FBN1: variants seen among roughly 807,000 people sequenced by gnomAD.
FBN1 encodes fibrillin 1.
A neutral mutation model predicts 365.1 loss-of-function variants in FBN1; 29 were observed. That is an observed-to-expected ratio of 0.08 (90% CI 0.06 to 0.11). The LOEUF is 0.11. Among genes scored for constraint, FBN1 ranks in the 10% least tolerant of loss-of-function variants. The probability of loss-of-function intolerance (pLI) is 1.00; values close to 1 mark genes in which losing one functional copy is unlikely to be tolerated. For missense variants in FBN1, 2,476 were observed against 3,703.2 expected, an observed-to-expected ratio of 0.67 and a Z score of 8.60; for synonymous variants, 1,210 against 1,270.5, an observed-to-expected ratio of 0.95 and a Z score of 1.01.
At chr15:48,495,972 C>A in intron 20 of FBN1, 128 bp downstream of exon 20, 2 of 1,223,042 alleles carry the variant, frequency 1.6e-6, no homozygotes, top group Non-Finnish European at 2.4e-6. Flanking sequence ...CCATGTAGAA[C>A]CACAGAATTT....
chr15:48,633,161 A>C (rs1890019910), intron 2 of FBN1, among the ~76,000 whole-genome samples: 1 of 152,206 alleles, frequency 6.6e-6, no homozygotes, highest in Non-Finnish European at 1.5e-5. Flanking sequence ...CATTCTGAAA[A>C]TGAAGCATTG....
chr15:48,519,906 T>G (rs569949189), intron 10 of FBN1, among the ~76,000 whole-genome samples: 12 of 152,260 alleles, frequency 7.9e-5, no homozygotes, highest in African/African-American at 2.6e-4. Context: ...TGGGGAAATA[T>G]TTTTGGACAT....
At chr15:48,457,750 G>A (rs1353123388) in intron 43 of FBN1, among the ~76,000 whole-genome samples, 1 of 152,008 alleles carries the variant, frequency 6.6e-6, no homozygotes, top group African/African-American at 2.4e-5. Context: ...TGTATTTATT[G>A]GCTGAATTAT....
chr15:48,421,881 A>G, intron 61 of FBN1, 71 bp downstream of exon 61: 1 of 1,324,154 alleles, frequency 7.6e-7, no homozygotes, highest in Middle Eastern at 1.9e-4. Flanking sequence ...TCCCAACAGC[A>G]GAGGAAATAG....
chr15:48,432,794 G>A, intron 55 of FBN1, 72 bp downstream of exon 55: 8 of 1,583,854 alleles, frequency 5.1e-6, no homozygotes, highest in Non-Finnish European at 6.9e-6. Context: ...CCTACTAAGG[G>A]AAGCTTTGAG....
chr15:48,437,428 T>C (rs758601438), intron 51 of FBN1, 41 bp from the exon 52 acceptor site: 12 of 1,497,778 alleles, frequency 8.0e-6, no homozygotes, highest in East Asian at 2.3e-5. Flanking sequence ...ACAATAGCAA[T>C]TCATTACAAG....
intron 32 of FBN1, among the ~76,000 whole-genome samples, chr15:48,481,029 T>C (rs2043461043): frequency 6.6e-6 from 1 of 152,216 alleles, no homozygotes; most frequent in Non-Finnish European, 1.5e-5. Flanking sequence ...TGGCATTTAA[T>C]AGGATAGTCT....
intron 6 of FBN1, among the ~76,000 whole-genome samples, chr15:48,588,865 C>G (rs1340114389): frequency 1.3e-5 from 2 of 152,150 alleles, no homozygotes; most frequent in African/African-American, 4.8e-5. Flanking sequence ...GGAGACTCCT[C>G]AGATTGCATG....
chr15:48,476,422 A>G (rs963539256), intron 32 of FBN1, among the ~76,000 whole-genome samples: 1 of 152,126 alleles, frequency 6.6e-6, no homozygotes, highest in Admixed American at 6.5e-5. Context: ...GAATTTTCTA[A>G]GTGGAAAGAA....
intron 32 of FBN1, chr15:48,476,610 C>CTTTTTTTTTTTTTTTTTT (rs56969171): frequency 8.3e-6 from 1 of 120,006 alleles, no homozygotes; most frequent in Non-Finnish European, 1.7e-5. Context: ...CTTTTCTTTT[C>CTTTTTTTTTTTTTTTTTT]TTTTTTTTTT....
intron 38 of FBN1, among the ~76,000 whole-genome samples, chr15:48,466,936 TC>T (rs2043327990): frequency 6.6e-6 from 1 of 152,012 alleles, no homozygotes; most frequent in Non-Finnish European, 1.5e-5. Context: ...AGAACTGACC[TC>T]CCTTTCTGAA....
chr15:48,450,050 G>A (rs1179690102), intron 45 of FBN1, among the ~76,000 whole-genome samples: 3 of 152,158 alleles, frequency 2.0e-5, no homozygotes, highest in African/African-American at 7.2e-5. Context: ...AAATAGAGCA[G>A]CTTAGGAACT....
rs754397542 is a variant in FBN1, at chr15:48,515,437, C to T, written c.1418G>A (p.Arg473Gln). 6.2e-6 allele frequency: 10 copies of T among 1,613,988 alleles called. No homozygotes were observed. The highest frequency in any genetic ancestry group is 5.0e-5 in the Admixed American group (3 of 60,018). ...CTGGAACCCTTTGTTGCACTCACAC[C>T]GGTAACTCCCAGGAGTTGGAATGCA... ...GRCIPTPGSY[R>Q]CECNKGFQLD... Residue 473 changes from arginine to glutamine, a missense_variant, in exon 12 of 66, where the codon CGG (arginine) becomes CAG (glutamine). By Grantham distance (43) the Arg-to-Gln change is conservative (BLOSUM62 1). Around this residue, in one of 5 missense-constraint regions of FBN1, gnomAD observed 421 missense variants for 520.1 expected, o/e 0.81. Coordinates refer to ENST00000316623, the MANE Select transcript of FBN1 (RefSeq NM_000138.5).
At position 48,500,101 on chromosome 15, in the gene FBN1, G is replaced by T. The variant is rs149671670; in HGVS notation, c.2114-1063C>A. 4.6e-3 allele frequency among the ~76,000 whole-genome samples: 694 copies of T among 152,264 alleles called. 3 individuals carry two copies. The highest frequency in any genetic ancestry group is 0.016 in the African/African-American group (669 of 41,550). ...TAATTTTCAAACCATCTTAGAAGGGGTCAAAAAAACAACAGATGGGAAGGT... is the reference window on the plus strand; with the variant it reads ...TAATTTTCAAACCATCTTAGAAGGGTTCAAAAAAACAACAGATGGGAAGGT... On this transcript the variant is annotated intron_variant, in intron 17 of 65. Coordinates refer to ENST00000316623, the MANE Select transcript of FBN1 (RefSeq NM_000138.5).
intron 10 of FBN1, among the ~76,000 whole-genome samples, chr15:48,520,125 C>T (rs1271703640): frequency 3.3e-5 from 5 of 151,670 alleles, no homozygotes; most frequent in African/African-American, 1.2e-4. Context: ...AGGTACATGG[C>T]AATGGTGGAT....
intron 4 of FBN1, among the ~76,000 whole-genome samples, chr15:48,607,855 T>C (rs1597629919): frequency 6.6e-6 from 1 of 152,240 alleles, no homozygotes; most frequent in Admixed American, 6.5e-5. Flanking sequence ...CAGTAAACCA[T>C]GATAGGTCTT....
At chr15:48,532,854 T>C (rs1393085804) in intron 8 of FBN1, among the ~76,000 whole-genome samples, 1 of 152,212 alleles carries the variant, frequency 6.6e-6, no homozygotes, top group Non-Finnish European at 1.5e-5. Flanking sequence ...AAGAAGTCTT[T>C]AGAAAGAACT....
chr15:48,511,185 G>A (rs2043756130), intron 13 of FBN1, among the ~76,000 whole-genome samples: 1 of 152,152 alleles, frequency 6.6e-6, no homozygotes, highest in African/African-American at 2.4e-5. Flanking sequence ...TGTTTACCCT[G>A]TGTCTGTGTG....
chr15:48,570,849 C>T (rs982603972), intron 6 of FBN1, among the ~76,000 whole-genome samples: 1 of 152,172 alleles, frequency 6.6e-6, no homozygotes, highest in African/African-American at 2.4e-5. Flanking sequence ...GCTGGCCAGG[C>T]TGCAGGGGAT....
Sources: gnomAD v4.1 joint callset for allele counts (sites outside exome capture counted in the v4.1 genomes callset) on GRCh38, gnomAD v4.1.1 for gene constraint, gnomAD v4.1.1 regional missense constraint, MANE v1.5 for transcripts, NCBI Gene and HGNC (gene_info 2026-07-23, HGNC 2026-07-21) for gene names.